Variants in ANKRD11 observed in about 807,000 individuals in gnomAD.
ANKRD11 encodes ankyrin repeat domain 11, also known as ankyrin repeat domain-containing protein 11.
A neutral mutation model predicts 195.7 loss-of-function variants in ANKRD11; 17 were observed. The observed-to-expected ratio is 0.09, with a 90% CI of 0.06 to 0.13. The LOEUF (loss-of-function observed/expected upper bound fraction) is 0.13. Ranked by LOEUF, ANKRD11 falls within the 10% of genes least tolerant of loss-of-function variation. The probability of loss-of-function intolerance (pLI) is 1.00; values close to 1 mark genes in which losing one functional copy is unlikely to be tolerated. For missense variants in ANKRD11, 3,735 were observed against 3,566.1 expected, an observed-to-expected ratio of 1.05 and a Z score of -1.21; for synonymous variants, 1,953 against 1,528.1, an observed-to-expected ratio of 1.28 and a Z score of -6.49.
At chr16:89,270,718 G>A (rs1567536827) in intron 12 of ANKRD11, 99 bp downstream of exon 12, 10 of 1,173,672 alleles carry the variant, frequency 8.5e-6, no homozygotes, top group South Asian at 3.9e-5. Flanking sequence ...ACTGGGCAGC[G>A]GCCTCCCCCC....
intron 1 of ANKRD11, among the ~76,000 whole-genome samples, chr16:89,478,404 C>T (rs1043586368): frequency 1.3e-5 from 2 of 152,020 alleles, no homozygotes. Context: ...GAAAAAAGAT[C>T]CCTCTGAGGT....
At chr16:89,429,027 G>A (rs1597375696) in intron 1 of ANKRD11, among the ~76,000 whole-genome samples, 2 of 152,330 alleles carry the variant, frequency 1.3e-5, no homozygotes, top group East Asian at 3.9e-4. Flanking sequence ...GTAAATGGGG[G>A]TTGGGGGGAG....
At chr16:89,312,395 C>T (rs940378947) in intron 3 of ANKRD11, among the ~76,000 whole-genome samples, 15 of 150,828 alleles carry the variant, frequency 9.9e-5, no homozygotes, top group Non-Finnish European at 1.3e-4. Context: ...AGGGGAGGGG[C>T]GGGGCAGGGC....
chr16:89,454,462 C>G (rs998679705), intron 1 of ANKRD11, among the ~76,000 whole-genome samples: 19 of 152,104 alleles, frequency 1.2e-4, no homozygotes, highest in African/African-American at 4.3e-4. Context: ...CTCATATAAG[C>G]AATTAATTTT....
chr16:89,289,933 G>A (rs2034914006), intron 6 of ANKRD11, among the ~76,000 whole-genome samples: 1 of 152,252 alleles, frequency 6.6e-6, no homozygotes, highest in African/African-American at 2.4e-5. Context: ...GGAAGGCTGA[G>A]TTGGGAACAT....
chr16:89,480,248 G>A (rs1032719162), intron 1 of ANKRD11, among the ~76,000 whole-genome samples: 5 of 152,068 alleles, frequency 3.3e-5, no homozygotes, highest in African/African-American at 7.2e-5. Flanking sequence ...AGGCCAAGGC[G>A]GGTGGATCAC....
intron 2 of ANKRD11, among the ~76,000 whole-genome samples, chr16:89,377,124 G>A (rs947286402): frequency 2.6e-5 from 4 of 152,156 alleles, no homozygotes; most frequent in Non-Finnish European, 5.9e-5. Context: ...TGGTCCCCCA[G>A]AACCCCGTGA....
intron 2 of ANKRD11, among the ~76,000 whole-genome samples, chr16:89,348,769 T>C (rs996774440): frequency 1.4e-4 from 21 of 152,018 alleles, no homozygotes; most frequent in African/African-American, 5.1e-4. Flanking sequence ...TTTGAATGGC[T>C]ATAAGATCAC....
At chr16:89,408,716 C>T (rs921398115) in intron 2 of ANKRD11, among the ~76,000 whole-genome samples, 2 of 152,308 alleles carry the variant, frequency 1.3e-5, no homozygotes, top group African/African-American at 2.4e-5. Flanking sequence ...GCCTCAGAGT[C>T]CCCGGGACTC....
chr16:89,402,257 G>A (rs974176060), intron 2 of ANKRD11, among the ~76,000 whole-genome samples: 4 of 152,146 alleles, frequency 2.6e-5, no homozygotes, highest in African/African-American at 9.7e-5. Flanking sequence ...GTGCCTACAC[G>A]TGACGTACGC....
intron 1 of ANKRD11, among the ~76,000 whole-genome samples, chr16:89,473,273 A>C (rs914085442): frequency 2.0e-5 from 3 of 152,202 alleles, no homozygotes; most frequent in Admixed American, 1.3e-4. Context: ...GGCAGGAAGC[A>C]AAGACCTCAA....
At chr16:89,448,926 A>G (rs776091056) in intron 1 of ANKRD11, among the ~76,000 whole-genome samples, 1 of 152,194 alleles carries the variant, frequency 6.6e-6, no homozygotes, top group Non-Finnish European at 1.5e-5. Context: ...GCATCTGTTC[A>G]TGTTTTACTT....
At position 89,305,173 on chromosome 16, in the gene ANKRD11, G is replaced by A. The variant is rs750855308; in HGVS notation, c.226+33C>T. On this transcript the variant is annotated intron_variant, in intron 4 of 12. Transcript: ENST00000301030. ...TGGGCTGCTCCGGGCTGCCTGTGGA[G>A]GGCTGACTGCAGGAGGGGCCGCGGG... is the stretch of plus-strand genomic sequence containing the variant. 36 of 1,606,016 alleles carry A rather than the reference G, an allele frequency of 2.2e-5. No individual in the cohort carries two copies. In the Admixed American group the frequency reaches 3.0e-4, roughly 13 times the overall value.
chr16:89,330,622 C>G (rs931855193), intron 2 of ANKRD11, among the ~76,000 whole-genome samples: 2 of 126,958 alleles, frequency 1.6e-5, no homozygotes, highest in Non-Finnish European at 3.1e-5. Context: ...TGAGGGTCCT[C>G]GTGACACGGC....
intron 9 of ANKRD11, among the ~76,000 whole-genome samples, chr16:89,276,166 C>T (rs1176573642): frequency 6.6e-6 from 1 of 152,170 alleles, no homozygotes; most frequent in East Asian, 1.9e-4. Context: ...GGAAGAGCTC[C>T]TGACAGCCAA....
chr16:89,353,350 AAG>A (rs112221236), intron 2 of ANKRD11, among the ~76,000 whole-genome samples: 287 of 149,230 alleles, frequency 1.9e-3, no homozygotes, highest in African/African-American at 3.6e-3. Flanking sequence ...TCCAAAAAAA[AAG>A]AGAGAGAGAG....
At chr16:89,461,375 G>A (rs1433115807) in intron 1 of ANKRD11, among the ~76,000 whole-genome samples, 1 of 152,064 alleles carries the variant, frequency 6.6e-6, no homozygotes, top group African/African-American at 2.4e-5. Flanking sequence ...TGCACCGTGT[G>A]AATCTAATAC....
intron 2 of ANKRD11, chr16:89,322,953 C>A: frequency 4.0e-6 from 1 of 252,726 alleles, no homozygotes; most frequent in Non-Finnish European, 7.9e-6. Context: ...AAGCTATCCG[C>A]TCACTTGAGC....
chr16:89,353,722 C>T (rs1008162738), intron 2 of ANKRD11, among the ~76,000 whole-genome samples: 2 of 152,184 alleles, frequency 1.3e-5, no homozygotes, highest in African/African-American at 2.4e-5. Flanking sequence ...TCAGCTGATC[C>T]GCCTGCCTGG....
Sources: allele counts gnomAD v4.1 joint callset (sites outside exome capture counted in the v4.1 genomes callset), GRCh38; gene constraint gnomAD v4.1.1; transcripts MANE v1.5; gene names NCBI Gene and HGNC (gene_info 2026-07-23, HGNC 2026-07-21).